MAGI2: variants seen among roughly 807,000 people sequenced by gnomAD.
The protein encoded by MAGI2 is membrane associated guanylate kinase, WW and PDZ domain containing 2.
In MAGI2, 35 loss-of-function variants were observed where a neutral mutation model predicts 133.3. The ratio of observed to expected loss-of-function variants is 0.26; its 90% CI spans 0.20 to 0.35. MAGI2 has a LOEUF of 0.35. Ranked by LOEUF, MAGI2 falls within the 10% of genes least tolerant of loss-of-function variation. The probability of loss-of-function intolerance (pLI) is 1.00; values close to 1 mark genes in which losing one functional copy is unlikely to be tolerated. For missense variants in MAGI2, 1,636 were observed against 1,863.4 expected, an observed-to-expected ratio of 0.88 and a Z score of 2.25; for synonymous variants, 729 against 710.6, an observed-to-expected ratio of 1.03 and a Z score of -0.41.
chr7:79,324,829 G>T (rs995300924), intron 1 of MAGI2, among the ~76,000 whole-genome samples: 2 of 148,076 alleles, frequency 1.4e-5, no homozygotes, highest in Non-Finnish European at 1.5e-5. Context: ...GCATCTTCAG[G>T]TTACAAGTCT....
intron 1 of MAGI2, among the ~76,000 whole-genome samples, chr7:79,078,717 A>G (rs2129541726): frequency 6.6e-6 from 1 of 152,358 alleles, no homozygotes; most frequent in South Asian, 2.1e-4. Flanking sequence ...GCCAATTTTT[A>G]TAATTTAACT....
At chr7:78,617,603 T>C (rs1022584580) in intron 3 of MAGI2, 10 of 152,108 alleles carry the variant, frequency 6.6e-5, no homozygotes, top group African/African-American at 2.4e-4. Flanking sequence ...TTCTATAACA[T>C]GATTGCTTTT....
intron 1 of MAGI2, among the ~76,000 whole-genome samples, chr7:79,124,481 C>G (rs1820217567): frequency 6.6e-6 from 1 of 152,156 alleles, no homozygotes; most frequent in Non-Finnish European, 1.5e-5. Context: ...AGGACTTGAA[C>G]TTAGGTCTAC....
chr7:78,115,377 A>C (rs1391425132), intron 20 of MAGI2, among the ~76,000 whole-genome samples: 6 of 152,230 alleles, frequency 3.9e-5, no homozygotes, highest in African/African-American at 1.4e-4. Flanking sequence ...TACAAGTATA[A>C]GTAAATAAAA....
chr7:78,303,120 G>A (rs1050574129), intron 9 of MAGI2, among the ~76,000 whole-genome samples: 3 of 152,108 alleles, frequency 2.0e-5, no homozygotes, highest in African/African-American at 7.2e-5. Context: ...GCTCATGCCT[G>A]TAGTCCCAGC....
intron 1 of MAGI2, among the ~76,000 whole-genome samples, chr7:79,330,652 T>C (rs912150582): frequency 6.6e-6 from 1 of 151,596 alleles, no homozygotes; most frequent in African/African-American, 2.4e-5. Context: ...TTACACTCTT[T>C]ATTTAGCACT....
At chr7:79,168,891 T>TAGATAG (rs1160188547) in intron 1 of MAGI2, among the ~76,000 whole-genome samples, 19 of 5,416 alleles carry the variant, frequency 3.5e-3, no homozygotes, top group Middle Eastern at 0.1. Context: ...TAAAGATAGA[T>TAGATAG]ATATATATAT....
intron 7 of MAGI2, chr7:78,358,150 A>C (rs6973107): frequency 8.3e-6 from 1 of 119,762 alleles, no homozygotes; most frequent in African/African-American, 3.2e-5. Context: ...GCGACAGAGC[A>C]AGACTTTGCC....
chr7:79,265,216 T>C (rs1184021529), intron 1 of MAGI2, among the ~76,000 whole-genome samples: 1 of 152,122 alleles, frequency 6.6e-6, no homozygotes, highest in Non-Finnish European at 1.5e-5. Flanking sequence ...ATGCACATTC[T>C]CATTCAGACT....
At chr7:78,454,228 T>C (rs1789056024) in intron 6 of MAGI2, among the ~76,000 whole-genome samples, 1 of 152,188 alleles carries the variant, frequency 6.6e-6, no homozygotes, top group African/African-American at 2.4e-5. Flanking sequence ...GGTTTTGTTT[T>C]GATTTTTATT....
chr7:78,501,500 C>A, intron 5 of MAGI2, 77 bp downstream of exon 5: 397 of 588,422 alleles, frequency 6.7e-4, no homozygotes, highest in Non-Finnish European at 8.5e-4. Flanking sequence ...TTTTTTTTTT[C>A]CACGTCTAAC....
intron 1 of MAGI2, among the ~76,000 whole-genome samples, chr7:79,205,079 A>T (rs1348956984): frequency 6.6e-6 from 1 of 151,982 alleles, no homozygotes; most frequent in Non-Finnish European, 1.5e-5. Context: ...AATAGCAAAA[A>T]ACTTCCCAAA....
At chr7:78,484,937 A>G (rs1050933367) in intron 6 of MAGI2, 2 of 151,366 alleles carry the variant, frequency 1.3e-5, no homozygotes, top group African/African-American at 2.4e-5. Context: ...AATCTTAAAC[A>G]ATTTCTATTT....
intron 1 of MAGI2, among the ~76,000 whole-genome samples, chr7:79,232,326 T>A (rs1347266673): frequency 1.3e-3 from 183 of 141,806 alleles, no homozygotes; most frequent in African/African-American, 4.6e-3. Flanking sequence ...TTAGGGAGGA[T>A]TCCCTCTTTT....
intron 1 of MAGI2, among the ~76,000 whole-genome samples, chr7:79,244,746 G>A (rs542174350): frequency 6.6e-6 from 1 of 152,276 alleles, no homozygotes; most frequent in South Asian, 2.1e-4. Flanking sequence ...GGACTTGGGG[G>A]ACATGTGACC....
chr7:78,970,756 A>G (rs888252249), intron 2 of MAGI2, among the ~76,000 whole-genome samples: 6 of 152,084 alleles, frequency 3.9e-5, no homozygotes, highest in Non-Finnish European at 7.4e-5. Context: ...CAGGCTCACA[A>G]GAAACTAAGT....
At chr7:78,131,052 G>A (rs1821508743) in intron 18 of MAGI2, among the ~76,000 whole-genome samples, 1 of 152,350 alleles carries the variant, frequency 6.6e-6, no homozygotes, top group African/African-American at 2.4e-5. Flanking sequence ...AATGGAATGT[G>A]GCTGCGAGAT....
chr7:78,299,898 CA>C (rs1026865170), intron 9 of MAGI2, among the ~76,000 whole-genome samples: 1 of 151,942 alleles, frequency 6.6e-6, no homozygotes, highest in African/African-American at 2.4e-5. Flanking sequence ...AAACATCAAT[CA>C]AAAAAGTATG....
chr7:78,381,494 A>G (rs1371574726), intron 6 of MAGI2, among the ~76,000 whole-genome samples: 3 of 152,198 alleles, frequency 2.0e-5, no homozygotes, highest in Non-Finnish European at 4.4e-5. Context: ...TCTATAGCTC[A>G]AAATACCATA....
Sources: allele counts gnomAD v4.1 joint callset (sites outside exome capture counted in the v4.1 genomes callset), GRCh38; gene constraint gnomAD v4.1.1; transcripts MANE v1.5; gene names NCBI Gene and HGNC (gene_info 2026-07-23, HGNC 2026-07-21).